CEMIP: variants seen among roughly 807,000 people sequenced by gnomAD.
CEMIP encodes the protein cell migration inducing hyaluronidase 1, also known as cell migration-inducing and hyaluronan-binding protein.
In CEMIP, 105 loss-of-function variants were observed where a neutral mutation model predicts 156.9. The ratio of observed to expected loss-of-function variants is 0.67; its 90% CI spans 0.57 to 0.79. CEMIP has a LOEUF of 0.79. Among genes scored for constraint, CEMIP ranks in the 30% least tolerant of loss-of-function variants. CEMIP has a pLI of 0.00. For synonymous variants in CEMIP, 676 were observed against 668.4 expected (o/e 1.01, Z -0.17); for missense variants, 1,457 against 1,769.4 (o/e 0.82, Z 3.17).
intron 1 of CEMIP, among the ~76,000 whole-genome samples, chr15:80,815,728 A>G (rs1044156161): frequency 2.0e-5 from 3 of 152,232 alleles, no homozygotes; most frequent in African/African-American, 7.2e-5. Context: ...TTTATTAATG[A>G]GATATTATTT....
At chr15:80,843,982 C>T (rs1051356199) in intron 1 of CEMIP, among the ~76,000 whole-genome samples, 2 of 152,252 alleles carry the variant, frequency 1.3e-5, no homozygotes, top group African/African-American at 2.4e-5. Context: ...AGTGACAGAG[C>T]CAGTTGAGAA....
chr15:80,812,371 C>T (rs1896692506), intron 1 of CEMIP, among the ~76,000 whole-genome samples: 1 of 152,216 alleles, frequency 6.6e-6, no homozygotes, highest in Non-Finnish European at 1.5e-5. Context: ...CTCTTCCCCT[C>T]TTGTTTGTAT....
At chr15:80,810,360 G>GT (rs1050774624) in intron 1 of CEMIP, among the ~76,000 whole-genome samples, 2 of 151,834 alleles carry the variant, frequency 1.3e-5, no homozygotes, top group Non-Finnish European at 2.9e-5. Context: ...AGTCACCTGT[G>GT]TTTTTTTGTT....
chr15:80,906,723 T>C lies in CEMIP; in HGVS notation c.1472T>C (p.Val491Ala), dbSNP rs1899822015. ...GACGGCGTGGACATGCGGGCGGAGG[T>C]TGGGCTTCTGAGCCGGAACATCATA... ...EIDGVDMRAE[V>A]GLLSRNIIVM... Residue 491 changes from valine to alanine, a missense_variant, in exon 13 of 30, where the codon GTT becomes GCT. Around this residue, in one of 5 missense-constraint regions of CEMIP, gnomAD observed 280 missense variants for 300.3 expected, o/e 0.93. Coordinates refer to ENST00000394685, the MANE Select transcript of CEMIP (RefSeq NM_001293298.2). The surrounding 1 kb of genome is among the most constrained non-coding windows in gnomAD (Gnocchi z 4.3). The C allele has an allele frequency of 6.2e-7, 1 of 1,614,092 alleles. No individual in the cohort carries two copies. Among genetic ancestry groups the C allele is most frequent in the Non-Finnish European group, 8.5e-7 (1 of 1,180,006 alleles).
At chr15:80,915,440 T>C (rs984469856) in intron 14 of CEMIP, among the ~76,000 whole-genome samples, 2 of 152,196 alleles carry the variant, frequency 1.3e-5, no homozygotes, top group African/African-American at 4.8e-5. Flanking sequence ...ACTCTTATAA[T>C]TGTTGCAAAG....
intron 1 of CEMIP, among the ~76,000 whole-genome samples, chr15:80,850,357 A>C (rs1428419619): frequency 3.9e-5 from 6 of 152,124 alleles, no homozygotes; most frequent in Non-Finnish European, 8.8e-5. Flanking sequence ...GTTCAATGCA[A>C]CCTTCACCTT....
chr15:80,942,052 T>G lies in CEMIP; in HGVS notation c.3611T>G (p.Leu1204Arg). The change falls in exon 26 of 30, where the codon CTG becomes CGG. Residue 1204 changes from leucine to arginine, a missense_variant and splice_region_variant. This residue lies in a region of CEMIP where 798 missense variants were observed against 980.1 expected (regional missense o/e 0.81). Coordinates refer to ENST00000394685, the MANE Select transcript of CEMIP (RefSeq NM_001293298.2). ...PMPKKLFGSQ[L>R]KTKDHFLEVK... The stretch of plus-strand genomic sequence containing the variant: ...CCCAAGAAGCTCTTTGGTTCTCAGC[T>G]GGTGAGTGGCTGAGAGCAAAGCCTA... 6.2e-7 allele frequency: 1 copy of G among 1,612,462 alleles called. No homozygotes were observed. Among genetic ancestry groups the G allele is most frequent in the Non-Finnish European group, 8.5e-7 (1 of 1,179,068 alleles).
chr15:80,909,100 G>A lies in CEMIP; in HGVS notation c.1591G>A (p.Ala531Thr). The A allele has an allele frequency of 1.9e-6, 3 of 1,613,798 alleles. No homozygotes were observed. The highest frequency in any genetic ancestry group is 2.2e-5 in the South Asian group (2 of 91,044). Reference sequence around the variant, plus strand: ...ACTCTCGGTTCTCCTCTCCTAGTTTGCTCTGGGATTTAAGGCAGCACACTT... The same window carrying A: ...ACTCTCGGTTCTCCTCTCCTAGTTTACTCTGGGATTTAAGGCAGCACACTT... ...FDTFGGHIKF[A>T]LGFKAAHLEG... Residue 531 changes from alanine (A) to threonine (T), a missense_variant, in exon 14 of 30, where the codon GCT (alanine) becomes ACT (threonine). Physicochemically the swap from Ala to Thr is moderately conservative, Grantham distance 58. This residue lies in a region of CEMIP where 280 missense variants were observed against 300.3 expected (regional missense o/e 0.93). Transcript: ENST00000394685.
At chr15:80,839,019 G>T (rs185714924) in intron 1 of CEMIP, among the ~76,000 whole-genome samples, 7 of 152,170 alleles carry the variant, frequency 4.6e-5, no homozygotes, top group African/African-American at 1.7e-4. Flanking sequence ...GAGGCCACCC[G>T]CAGGCGTCTT....
chr15:80,900,062 G>T (rs1363592379), intron 12 of CEMIP, among the ~76,000 whole-genome samples: 1 of 152,184 alleles, frequency 6.6e-6, no homozygotes, highest in Admixed American at 6.5e-5. Context: ...GGTGCTCGGG[G>T]TTTCTTGAGA....
At chr15:80,848,026 T>G (rs576199756) in intron 1 of CEMIP, among the ~76,000 whole-genome samples, 23 of 152,176 alleles carry the variant, frequency 1.5e-4, no homozygotes, top group South Asian at 6.2e-4. Flanking sequence ...TCCTCAAGAG[T>G]GGGACACAGT....
chr15:80,907,878 C>T (rs72740129), intron 13 of CEMIP, among the ~76,000 whole-genome samples: 9,634 of 152,238 alleles, frequency 0.063, 401 homozygotes, highest in Non-Finnish European at 0.094. Flanking sequence ...AGACAGTTCT[C>T]GTAAAGCTAA....
intron 7 of CEMIP, among the ~76,000 whole-genome samples, chr15:80,885,529 T>C (rs1279810371): frequency 6.6e-6 from 1 of 152,178 alleles, no homozygotes; most frequent in Non-Finnish European, 1.5e-5. Flanking sequence ...TAATTTACAG[T>C]GAGAGTTAGA....
intron 12 of CEMIP, among the ~76,000 whole-genome samples, chr15:80,898,335 G>T (rs946438053): frequency 6.6e-6 from 1 of 152,178 alleles, no homozygotes; most frequent in Non-Finnish European, 1.5e-5. Flanking sequence ...TGGGATTGTT[G>T]TGAGGATTAA....
chr15:80,874,372 T>C (rs539506950), intron 3 of CEMIP, among the ~76,000 whole-genome samples: 8 of 152,126 alleles, frequency 5.3e-5, no homozygotes, highest in Non-Finnish European at 8.8e-5. Context: ...TCTGAATTTT[T>C]AAGAGAAGCC....
At chr15:80,897,555 A>G (rs1405592395) in intron 12 of CEMIP, among the ~76,000 whole-genome samples, 4 of 152,200 alleles carry the variant, frequency 2.6e-5, no homozygotes, top group African/African-American at 9.7e-5. Flanking sequence ...GTGTAGCTAA[A>G]GAGAGGGAAA....
At chr15:80,831,730 A>G (rs961136960) in intron 1 of CEMIP, among the ~76,000 whole-genome samples, 4 of 152,204 alleles carry the variant, frequency 2.6e-5, no homozygotes, top group African/African-American at 9.6e-5. Flanking sequence ...CTGTGTGTCC[A>G]GAGGGGTTCA....
chr15:80,935,799 C>T (rs1433844435), intron 23 of CEMIP, among the ~76,000 whole-genome samples: 1 of 152,078 alleles, frequency 6.6e-6, no homozygotes, highest in African/African-American at 2.4e-5. Flanking sequence ...TGGGCAATGG[C>T]GTGATCTCGG....
In CEMIP at chr15:80,929,019, T is replaced by C. The variant is rs533134069; in HGVS notation, c.2457T>C (p.Ser819=). 1.2e-6 allele frequency: 2 copies of C among 1,614,204 alleles called. No individual in the cohort carries two copies. The highest frequency in any genetic ancestry group is 4.5e-5 in the East Asian group (2 of 44,874). The change falls in exon 21 of 30, where the codon AGT becomes AGC. Residue 819 remains serine (S), a splice_region_variant and synonymous_variant. Coordinates refer to ENST00000394685, the MANE Select transcript of CEMIP (RefSeq NM_001293298.2). ...CACCTTAAACATCTTCTCTCTACAG[T>C]GGTGGAACCTTCCCGTATGACGACG... The part of the protein sequence containing the change: ...ADNGIGLTLA[S]GGTFPYDDGS...
Sources: allele counts gnomAD v4.1 joint callset (sites outside exome capture counted in the v4.1 genomes callset), GRCh38; gene constraint gnomAD v4.1.1; regional missense constraint gnomAD v4.1.1; non-coding constraint Gnocchi (gnomAD v3.1); transcripts MANE v1.5; gene names NCBI Gene and HGNC (gene_info 2026-07-23, HGNC 2026-07-21).